The following NUCKS1 variants were observed in gnomAD, a reference collection of about 807,000 sequenced individuals.
NUCKS1 encodes nuclear ubiquitous casein and cyclin-dependent kinase substrate 1.
In NUCKS1, 2 loss-of-function variants were observed where a neutral mutation model predicts 33.0. That is an observed-to-expected ratio of 0.06 (90% CI 0.02 to 0.19). The LOEUF (loss-of-function observed/expected upper bound fraction) is 0.19. Ranked by LOEUF, NUCKS1 falls within the 10% of genes least tolerant of loss-of-function variation. The pLI is 1.00. For missense variants in NUCKS1, 201 were observed against 293.6 expected (o/e 0.68, Z 2.31); for synonymous variants, 106 against 102.8 (o/e 1.03, Z -0.19).
At chr1:205,729,506 A>T in intron 2 of NUCKS1, 66 bp downstream of exon 2, 5 of 1,037,144 alleles carry the variant, frequency 4.8e-6, no homozygotes, top group Non-Finnish European at 7.5e-6. Context: ...GCATAATAAA[A>T]CTATATAAGC....
intron 5 of NUCKS1, 106 bp from the exon 6 acceptor site, chr1:205,719,782 A>C: frequency 4.1e-6 from 5 of 1,213,902 alleles, no homozygotes; most frequent in Non-Finnish European, 5.7e-6. Context: ...TTGGGAGTCA[A>C]ACACCCTTGG....
chr1:205,750,086 G>A lies in NUCKS1; in HGVS notation c.-113C>T. 1 of 1,158,270 alleles carries A rather than the reference G, an allele frequency of 8.6e-7. No individual in the cohort carries two copies. The highest frequency in any genetic ancestry group is 1.2e-6 in the Non-Finnish European group (1 of 826,484). 71.7% of individuals were successfully genotyped at this position (1,158,270 alleles called of 1,614,324 possible). A position where few individuals can be genotyped will look rare whatever the true frequency, so the allele number is the denominator to read the frequency against. On this transcript the variant is annotated 5_prime_UTR_variant, in exon 1 of 7. Coordinates refer to ENST00000367142, the MANE Select transcript of NUCKS1 (RefSeq NM_022731.5). ...TTCAGCCGATGGGACCGCTGCTGCC[G>A]AACCCCGAGCTGCTGGCTTCTCAAA...
chr1:205,718,654 T>C (rs1671870175), intron 6 of NUCKS1, among the ~76,000 whole-genome samples, 175 bp from the exon 7 acceptor site: 1 of 152,176 alleles, frequency 6.6e-6, no homozygotes, highest in African/African-American at 2.4e-5. Context: ...CTATCTCAGT[T>C]TCTAAACTGG....
intron 1 of NUCKS1, among the ~76,000 whole-genome samples, chr1:205,748,057 G>C (rs1030831659): frequency 6.7e-6 from 1 of 149,702 alleles, no homozygotes; most frequent in South Asian, 2.1e-4. Context: ...AAATAAACAA[G>C]GTCAAAATTA....
At chr1:205,739,100 T>C (rs1351702796) in intron 1 of NUCKS1, among the ~76,000 whole-genome samples, 4 of 152,242 alleles carry the variant, frequency 2.6e-5, no homozygotes, top group African/African-American at 9.6e-5. Context: ...CATTTAATTC[T>C]CACCCTAATG....
intron 2 of NUCKS1, among the ~76,000 whole-genome samples, chr1:205,728,862 T>C (rs946757230): frequency 6.6e-6 from 1 of 152,230 alleles, no homozygotes; most frequent in Non-Finnish European, 1.5e-5. Context: ...TGCTTTATTA[T>C]GTAAAAACAT....
At chr1:205,736,078 G>A (rs1654028145) in intron 1 of NUCKS1, among the ~76,000 whole-genome samples, 1 of 152,038 alleles carries the variant, frequency 6.6e-6, no homozygotes. Flanking sequence ...CAGCCTCCTG[G>A]GGAGTTGAGA....
At chr1:205,740,168 A>C (rs1484197262) in intron 1 of NUCKS1, among the ~76,000 whole-genome samples, 1 of 150,756 alleles carries the variant, frequency 6.6e-6, no homozygotes, top group Non-Finnish European at 1.5e-5. Context: ...ACAGCTGGCT[A>C]ATTTTTTTTT....
intron 1 of NUCKS1, among the ~76,000 whole-genome samples, chr1:205,737,018 T>C (rs1220814640): frequency 1.3e-5 from 2 of 152,102 alleles, no homozygotes; most frequent in Admixed American, 6.6e-5. Flanking sequence ...TGAAGCTAAA[T>C]ACTAGGGCTC....
chr1:205,732,326 G>A (rs1223918213), intron 1 of NUCKS1, among the ~76,000 whole-genome samples: 1 of 152,182 alleles, frequency 6.6e-6, no homozygotes, highest in Non-Finnish European at 1.5e-5. Context: ...GGGACCTAGA[G>A]TAGATGAATT....
chr1:205,719,707 C>A, intron 5 of NUCKS1, 31 bp from the exon 6 acceptor site: 2 of 1,601,104 alleles, frequency 1.2e-6, no homozygotes, highest in Non-Finnish European at 1.7e-6. Context: ...CAACATCTAA[C>A]TTAATGTACA....
intron 1 of NUCKS1, among the ~76,000 whole-genome samples, chr1:205,743,499 A>T (rs1654233380): frequency 6.6e-6 from 1 of 152,376 alleles, no homozygotes; most frequent in East Asian, 1.9e-4. Context: ...CAGTCAAGTT[A>T]ATCATTTCCT....
At position 205,717,623 on chromosome 1, in the gene NUCKS1, C is replaced by T. The variant is rs148660292; in HGVS notation, c.*657G>A. The T allele has an allele frequency of 2.0e-6, 2 of 984,942 alleles. No individual in the cohort carries two copies. Among genetic ancestry groups the T allele is most frequent in the Non-Finnish European group, 2.4e-6 (2 of 829,876 alleles). 61.0% of individuals were successfully genotyped at this position (984,942 alleles called of 1,614,324 possible). On this transcript the variant is annotated 3_prime_UTR_variant, in exon 7 of 7. Coordinates refer to ENST00000367142, the MANE Select transcript of NUCKS1 (RefSeq NM_022731.5). ...CATACCCTCAAATAAGGTCAGGTAACCCCATTGCCCACCCTCCCTACAAGG... is the reference window on the plus strand; with the variant it reads ...CATACCCTCAAATAAGGTCAGGTAATCCCATTGCCCACCCTCCCTACAAGG...
intron 4 of NUCKS1, among the ~76,000 whole-genome samples, chr1:205,721,418 G>A (rs953213838): frequency 6.6e-6 from 1 of 152,280 alleles, no homozygotes; most frequent in African/African-American, 2.4e-5. Flanking sequence ...GAATTAAAGC[G>A]TGAATACATG....
intron 3 of NUCKS1, among the ~76,000 whole-genome samples, chr1:205,725,834 C>T (rs566876635): frequency 6.6e-6 from 1 of 152,208 alleles, no homozygotes; most frequent in East Asian, 1.9e-4. Flanking sequence ...TATAACATGC[C>T]ACAAAGCAGG....
At chr1:205,747,291 G>A (rs1571592995) in intron 1 of NUCKS1, among the ~76,000 whole-genome samples, 2 of 152,284 alleles carry the variant, frequency 1.3e-5, no homozygotes, top group Middle Eastern at 3.4e-3. Context: ...GTTTAATAAA[G>A]TGAGTTTGCC....
rs1198820419 is a variant in NUCKS1 at position 205,746,238 on chromosome 1, T to C, written c.17+3719A>G. ...TGAACCCGGGAGGTGGAGGTTGCAA[T>C]GAGCCGAGATTGCACCATTGCACTC... On this transcript the variant is annotated intron_variant, in intron 1 of 6. Coordinates refer to ENST00000367142, the MANE Select transcript of NUCKS1 (RefSeq NM_022731.5). Among the ~76,000 whole-genome samples, 4 of 152,042 alleles carry C rather than the reference T, an allele frequency of 2.6e-5. No individual in the cohort carries two copies. In the East Asian group the frequency reaches 5.8e-4, roughly 22 times the overall value.
intron 3 of NUCKS1, among the ~76,000 whole-genome samples, chr1:205,726,218 A>C (rs1050939181): frequency 5.9e-5 from 9 of 152,020 alleles, no homozygotes; most frequent in African/African-American, 2.2e-4. Flanking sequence ...CAAACAAACA[A>C]ACAAAAAACT....
chr1:205,746,443 T>TCACACACA (rs759670793), intron 1 of NUCKS1, among the ~76,000 whole-genome samples: 165 of 70,214 alleles, frequency 2.3e-3, no homozygotes, highest in Non-Finnish European at 4.2e-3. Context: ...CACTTCTCTC[T>TCACACACA]CTCTCTCTCT....
Sources: allele counts gnomAD v4.1 joint callset (sites outside exome capture counted in the v4.1 genomes callset), GRCh38; gene constraint gnomAD v4.1.1; transcripts MANE v1.5; gene names NCBI Gene and HGNC (gene_info 2026-07-23, HGNC 2026-07-21).